Variants in CSMD1 observed in about 807,000 individuals in gnomAD.
CSMD1 encodes the protein CUB and Sushi multiple domains 1.
CSMD1 carries 213 observed loss-of-function variants against 417.5 expected under a neutral mutation model. The observed-to-expected ratio is 0.51, with a 90% confidence interval of 0.46 to 0.57. CSMD1 has a LOEUF of 0.57. Ranked by LOEUF, CSMD1 falls within the 20% of genes least tolerant of loss-of-function variation. The pLI is 0.00. For synonymous variants in CSMD1, 2,862 were observed against 1,736.8 expected, an observed-to-expected ratio of 1.65 and a Z score of -16.11; for missense variants, 6,923 against 4,529.7, an observed-to-expected ratio of 1.53 and a Z score of -15.17.
At chr8:4,933,254 T>A (rs564038276) in intron 1 of CSMD1, among the ~76,000 whole-genome samples, 1 of 152,150 alleles carries the variant, frequency 6.6e-6, no homozygotes, top group African/African-American at 2.4e-5. Flanking sequence ...ACGGCACTAG[T>A]AAATTTTAGA....
chr8:4,172,667 G>C (rs949171278), intron 3 of CSMD1, among the ~76,000 whole-genome samples: 3 of 152,144 alleles, frequency 2.0e-5, no homozygotes, highest in African/African-American at 7.2e-5. Flanking sequence ...ATATGGGCTG[G>C]ACCAGGTGTT....
chr8:4,792,145 T>G (rs933686956), intron 1 of CSMD1, among the ~76,000 whole-genome samples: 5 of 152,180 alleles, frequency 3.3e-5, no homozygotes, highest in African/African-American at 9.7e-5. Context: ...ATTTTATTCT[T>G]TCCTTCCTCC....
At chr8:4,816,316 C>A (rs1799206271) in intron 1 of CSMD1, among the ~76,000 whole-genome samples, 1 of 151,984 alleles carries the variant, frequency 6.6e-6, no homozygotes, top group African/African-American at 2.4e-5. Context: ...TGCCAAGTAG[C>A]TGGGATTACA....
chr8:4,640,282 T>C (rs190625029), intron 1 of CSMD1, among the ~76,000 whole-genome samples: 4 of 152,360 alleles, frequency 2.6e-5, no homozygotes, highest in Non-Finnish European at 5.9e-5. Flanking sequence ...ATGAATATCA[T>C]CGTTGGCTGT....
At chr8:3,216,027 C>T (rs1241740110) in intron 29 of CSMD1, among the ~76,000 whole-genome samples, 1 of 148,854 alleles carries the variant, frequency 6.7e-6, no homozygotes, top group Non-Finnish European at 1.5e-5. Context: ...ATATAATTTA[C>T]ATACTTTGAT....
At chr8:3,069,286 T>C (rs1813167004) in intron 49 of CSMD1, among the ~76,000 whole-genome samples, 1 of 151,654 alleles carries the variant, frequency 6.6e-6, no homozygotes, top group African/African-American at 2.4e-5. Context: ...AATACAAAAA[T>C]TAGCTGGGTG....
At chr8:3,140,534 T>A (rs961370662) in intron 41 of CSMD1, among the ~76,000 whole-genome samples, 1 of 152,182 alleles carries the variant, frequency 6.6e-6, no homozygotes, top group Non-Finnish European at 1.5e-5. Flanking sequence ...TCTTTTTTGC[T>A]CCTACCTAGA....
chr8:4,965,285 T>C (rs924112754), intron 1 of CSMD1, among the ~76,000 whole-genome samples: 2 of 152,230 alleles, frequency 1.3e-5, no homozygotes, highest in Non-Finnish European at 2.9e-5. Flanking sequence ...ACTGAGTACT[T>C]ATTGTGTATC....
chr8:4,424,401 A>C (rs1287697173), intron 2 of CSMD1, among the ~76,000 whole-genome samples: 2 of 152,056 alleles, frequency 1.3e-5, no homozygotes, highest in Admixed American at 6.6e-5. Flanking sequence ...CAGGTGACCT[A>C]AAGGACATCC....
intron 3 of CSMD1, among the ~76,000 whole-genome samples, chr8:4,367,686 A>T (rs1341384920): frequency 6.6e-6 from 1 of 152,148 alleles, no homozygotes; most frequent in African/African-American, 2.4e-5. Context: ...AGTCTTCCTG[A>T]CCATGAGCAC....
At chr8:4,810,001 G>A (rs762232003) in intron 1 of CSMD1, among the ~76,000 whole-genome samples, 2 of 152,168 alleles carry the variant, frequency 1.3e-5, no homozygotes, top group African/African-American at 4.8e-5. Flanking sequence ...AATATCAAGT[G>A]AATATATGCC....
chr8:3,738,533 C>T (rs1326957262), intron 6 of CSMD1, among the ~76,000 whole-genome samples: 2 of 152,192 alleles, frequency 1.3e-5, no homozygotes, highest in Non-Finnish European at 2.9e-5. Context: ...ACTGGTCCTG[C>T]CGCCAAACAT....
chr8:3,542,355 G>T (rs1260087732), intron 10 of CSMD1, among the ~76,000 whole-genome samples: 1 of 152,150 alleles, frequency 6.6e-6, no homozygotes, highest in Non-Finnish European at 1.5e-5. Flanking sequence ...CAATTCTGAA[G>T]ATAGGTAATT....
intron 1 of CSMD1, among the ~76,000 whole-genome samples, chr8:4,916,051 G>C (rs751722100): frequency 2.6e-5 from 4 of 152,184 alleles, no homozygotes; most frequent in Non-Finnish European, 5.9e-5. Flanking sequence ...ATTTGCCCTG[G>C]AAAGGCAACG....
chr8:4,605,579 G>C (rs971783512), intron 2 of CSMD1, among the ~76,000 whole-genome samples: 1 of 152,190 alleles, frequency 6.6e-6, no homozygotes, highest in Non-Finnish European at 1.5e-5. Context: ...AAGACTTTGG[G>C]AGGCAAAATC....
chr8:3,690,936 G>A (rs565748488), intron 7 of CSMD1, among the ~76,000 whole-genome samples: 1 of 152,114 alleles, frequency 6.6e-6, no homozygotes, highest in African/African-American at 2.4e-5. Flanking sequence ...ATAAATTAAA[G>A]TAAAAGTCGG....
chr8:4,621,112 T>G (rs1458721876), intron 2 of CSMD1, among the ~76,000 whole-genome samples: 6 of 152,088 alleles, frequency 3.9e-5, no homozygotes, highest in African/African-American at 1.2e-4. Flanking sequence ...TATCTGAAAT[T>G]CTTAGGACCA....
At chr8:3,026,348 C>T (rs1255865005) in intron 51 of CSMD1, among the ~76,000 whole-genome samples, 2 of 152,190 alleles carry the variant, frequency 1.3e-5, no homozygotes, top group Non-Finnish European at 2.9e-5. Context: ...CGCTGGATCC[C>T]ACTGGAGCCC....
intron 5 of CSMD1, among the ~76,000 whole-genome samples, chr8:3,769,257 T>G (rs1271513045): frequency 6.6e-6 from 1 of 152,234 alleles, no homozygotes; most frequent in Non-Finnish European, 1.5e-5. Flanking sequence ...CCATGATTCT[T>G]CCATATATAT....
Sources: allele counts gnomAD v4.1 joint callset (sites outside exome capture counted in the v4.1 genomes callset), GRCh38; gene constraint gnomAD v4.1.1; transcripts MANE v1.5; gene names NCBI Gene and HGNC (gene_info 2026-07-23, HGNC 2026-07-21).